The following SHE variants were observed in gnomAD, a reference collection of about 807,000 sequenced individuals.
SHE encodes Src homology 2 domain containing E, also known as SH2 domain-containing adapter protein E.
Under a neutral mutation model 49.8 loss-of-function variants are expected in SHE, and 11 were observed. The observed-to-expected ratio is 0.22, with a 90% CI of 0.14 to 0.37. The LOEUF (loss-of-function observed/expected upper bound fraction) is 0.37. SHE is among the 10% of genes least tolerant of loss of function. SHE has a pLI of 1.00. For missense variants in SHE, 624 were observed against 655.5 expected, an observed-to-expected ratio of 0.95 and a Z score of 0.52; for synonymous variants, 310 against 278.1, an observed-to-expected ratio of 1.11 and a Z score of -1.14.
At position 154,479,831 on chromosome 1, in the gene SHE, T is replaced by C; in HGVS notation, c.*4318A>G. 1 of 985,430 alleles carries C rather than the reference T, an allele frequency of 1.0e-6. No individual in the cohort carries two copies. The highest frequency in any genetic ancestry group is 1.2e-6 in the Non-Finnish European group (1 of 829,934). The allele number at this position is 985,430 out of a possible 1,614,324, so 61.0% of individuals were successfully genotyped here. ...ACGATCCAGCCTTAGTCCAGGGACC[T>C]TGTGATGATAGTTGTATTAGACTTC... On this transcript the variant is annotated 3_prime_UTR_variant, in exon 6 of 6. Coordinates refer to ENST00000304760, the MANE Select transcript of SHE (RefSeq NM_001010846.3).
downstream of SHE, among the ~76,000 whole-genome samples, chr1:154,477,139 G>A (rs1557793022): frequency 6.6e-6 from 1 of 152,178 alleles, no homozygotes; most frequent in Non-Finnish European, 1.5e-5. Flanking sequence ...GACACAACTT[G>A]CCAGACCCAG....
intron 3 of SHE, among the ~76,000 whole-genome samples, chr1:154,487,698 G>T (rs914611724): frequency 2.0e-5 from 3 of 151,110 alleles, no homozygotes; most frequent in Non-Finnish European, 3.0e-5. Context: ...AAAAATTAAA[G>T]AATAATCCGG....
chr1:154,474,028 G>A (rs1157337996), intron 1 of SHE, among the ~76,000 whole-genome samples: 1 of 152,224 alleles, frequency 6.6e-6, no homozygotes, highest in African/African-American at 2.4e-5. Context: ...CTGGAAGGCT[G>A]GTGCTCTTTG....
At chr1:154,497,692 T>G (rs928065373) in intron 2 of SHE, among the ~76,000 whole-genome samples, 1 of 152,174 alleles carries the variant, frequency 6.6e-6, no homozygotes, top group East Asian at 1.9e-4. Flanking sequence ...CTTTTCTTTT[T>G]TTTTTGAGAC....
At chr1:154,496,763 C>CA (rs892199923) in intron 2 of SHE, among the ~76,000 whole-genome samples, 21 of 148,176 alleles carry the variant, frequency 1.4e-4, no homozygotes, top group African/African-American at 5.2e-4. Context: ...AAAAAAAAAA[C>CA]AAAAAAACCC....
At chr1:154,475,707 A>G (rs1691863077), downstream of SHE, among the ~76,000 whole-genome samples, 1 of 152,246 alleles carries the variant, frequency 6.6e-6, no homozygotes, top group Non-Finnish European at 1.5e-5. Flanking sequence ...GGTGGGGATC[A>G]CAGACAAAAC....
At chr1:154,486,347 A>G (rs957519368) in intron 4 of SHE, among the ~76,000 whole-genome samples, 180 bp downstream of exon 4, 1 of 152,224 alleles carries the variant, frequency 6.6e-6, no homozygotes, top group East Asian at 1.9e-4. Context: ...GTTGAGATGC[A>G]GTGCACTTTC....
chr1:154,476,482 A>C (rs1691879070), downstream of SHE, among the ~76,000 whole-genome samples: 1 of 152,148 alleles, frequency 6.6e-6, no homozygotes, highest in Admixed American at 6.6e-5. Flanking sequence ...GTCTCTACTA[A>C]AAATACAAAA....
chr1:154,497,842 G>A (rs953848342), intron 2 of SHE, among the ~76,000 whole-genome samples: 3 of 151,856 alleles, frequency 2.0e-5, no homozygotes, highest in South Asian at 4.2e-4. Context: ...CACCATGCCC[G>A]GCTAATTTTT....
At chr1:154,497,456 G>A (rs1026980942) in intron 2 of SHE, among the ~76,000 whole-genome samples, 3 of 152,212 alleles carry the variant, frequency 2.0e-5, no homozygotes, top group African/African-American at 7.2e-5. Context: ...AAAACTAGGT[G>A]AAGACATAAA....
intron 5 of SHE, 186 bp downstream of exon 5, chr1:154,485,756 AT>A: frequency 1.8e-6 from 1 of 567,758 alleles, no homozygotes. Context: ...TAATGGAGGC[AT>A]TTACCCAATA....
intron 1 of SHE, among the ~76,000 whole-genome samples, chr1:154,500,376 G>A (rs1557804099): frequency 6.6e-6 from 1 of 152,178 alleles, no homozygotes; most frequent in East Asian, 1.9e-4. Flanking sequence ...TCCACTCAGT[G>A]CCTGGCTCAG....
rs1222400174 is a variant in SHE, at chr1:154,501,752, C to T, written c.275G>A (p.Gly92Asp). The T allele has an allele frequency of 1.9e-6, 3 of 1,572,632 alleles. No homozygotes were observed. Among genetic ancestry groups the T allele is most frequent in the African/African-American group, 1.4e-5 (1 of 74,038 alleles). ...GTCCTTGGGGCCGACGCCGGCCCTG[C>T]CGCTCCCCAGCTCGGCCGCCGAGTT... ...RKNSAAELGS[G>D]RAGVGPKDSR... Residue 92 changes from glycine to aspartate, a missense_variant, in exon 1 of 6, where the codon GGC (glycine) becomes GAC (aspartate). Physicochemically the swap from Gly to Asp is moderately conservative, Grantham distance 94. Coordinates refer to ENST00000304760, the MANE Select transcript of SHE (RefSeq NM_001010846.3).
At chr1:154,485,868 G>T in intron 5 of SHE, 75 bp downstream of exon 5, 1 of 1,550,672 alleles carries the variant, frequency 6.4e-7, no homozygotes, top group Non-Finnish European at 8.9e-7. Context: ...TTCACAGTAT[G>T]TTTTTTTTGA....
chr1:154,488,849 G>T (rs894418004), intron 3 of SHE, among the ~76,000 whole-genome samples: 3 of 152,192 alleles, frequency 2.0e-5, no homozygotes, highest in African/African-American at 7.2e-5. Context: ...CTCCTAAAGT[G>T]ACTTGGATTA....
At chr1:154,499,623 A>G (rs1334560421) in intron 1 of SHE, among the ~76,000 whole-genome samples, 1 of 152,102 alleles carries the variant, frequency 6.6e-6, no homozygotes, top group African/African-American at 2.4e-5. Context: ...TGAGTTTTTT[A>G]AACTCCAATC....
In SHE at chr1:154,480,090, G is replaced by A. The variant is rs1691979763; in HGVS notation, c.*4059C>T. ...TGAACAGAAGGCCCACTGCACAGCA[G>A]GCCAAGTTTCTCTAGTCCACGTTAG... On this transcript the variant is annotated 3_prime_UTR_variant, in exon 6 of 6. Coordinates refer to ENST00000304760, the MANE Select transcript of SHE (RefSeq NM_001010846.3). 1.0e-6 allele frequency: 1 copy of A among 985,512 alleles called. No individual in the cohort carries two copies. The highest frequency in any genetic ancestry group is 1.2e-6 in the Non-Finnish European group (1 of 829,950). The allele number at this position is 985,512 out of a possible 1,614,324, so 61.0% of individuals were successfully genotyped here.
At chr1:154,476,788 G>A (rs543347183), downstream of SHE, among the ~76,000 whole-genome samples, 1 of 151,998 alleles carries the variant, frequency 6.6e-6, no homozygotes, top group African/African-American at 2.4e-5. Flanking sequence ...TCAACAAATT[G>A]GCTTTTATGT....
At chr1:154,485,828 T>C (rs1346713858) in intron 5 of SHE, 115 bp downstream of exon 5, 1 of 1,285,902 alleles carries the variant, frequency 7.8e-7, no homozygotes, top group African/African-American at 1.5e-5. Flanking sequence ...TGCCTCTTAT[T>C]TTCTGCAATG....
Sources: gnomAD v4.1 joint callset for allele counts (sites outside exome capture counted in the v4.1 genomes callset) on GRCh38, gnomAD v4.1.1 for gene constraint, MANE v1.5 for transcripts, NCBI Gene and HGNC (gene_info 2026-07-23, HGNC 2026-07-21) for gene names.